Variants in MBD1 observed in about 807,000 individuals in gnomAD.
MBD1 encodes methyl-CpG-binding domain protein 1.
In MBD1, 25 loss-of-function variants were observed where a neutral mutation model predicts 82.6. That is an observed-to-expected ratio of 0.30 (90% CI 0.22 to 0.42). MBD1 has a LOEUF of 0.42. MBD1 is among the 10% of genes least tolerant of loss of function. MBD1 has a pLI of 1.00. For synonymous variants in MBD1, 301 were observed against 303.7 expected, an observed-to-expected ratio of 0.99 and a Z score of 0.09; for missense variants, 627 against 819.6, an observed-to-expected ratio of 0.76 and a Z score of 2.87.
At chr18:50,272,382 T>A in intron 15 of MBD1, 1 of 456,488 alleles carries the variant, frequency 2.2e-6, no homozygotes. Context: ...TAGAAATTCC[T>A]TAGGAAAATA....
chr18:50,280,624 T>C (rs1232363339), intron 1 of MBD1, among the ~76,000 whole-genome samples: 2 of 151,902 alleles, frequency 1.3e-5, no homozygotes, highest in Non-Finnish European at 2.9e-5. Context: ...CTCCAACCCA[T>C]AGCCTGAACA....
rs2040194732 is a variant in MBD1, at chr18:50,281,298, G to A, written c.-26+65C>T. ...CTTCATTCCTCCCCGTCAGCGTTCTGAGCCACAATTCCTTCCCATCCTCCG... is the reference window on the plus strand; with the variant it reads ...CTTCATTCCTCCCCGTCAGCGTTCTAAGCCACAATTCCTTCCCATCCTCCG... On this transcript the variant is annotated intron_variant, in intron 1 of 16. Transcript: ENST00000269468. 2.9e-6 allele frequency: 4 copies of A among 1,373,562 alleles called. No homozygotes were observed. The Admixed American group carries it at 5.9e-5, about 20-fold the overall frequency. 85.1% of individuals were successfully genotyped at this position (1,373,562 alleles called of 1,614,324 possible).
rs1251546379 is a variant in MBD1 at position 50,273,844 on chromosome 18, A to G, written c.1166T>C (p.Val389Ala). 8 of 1,613,172 alleles carry G rather than the reference A, an allele frequency of 5.0e-6. No homozygotes were observed. The South Asian group carries it at 8.8e-5, about 18-fold the overall frequency. Residue 389 changes from valine (V) to alanine (A), a missense_variant, in exon 12 of 17, where the codon GTC becomes GCC. Coordinates refer to ENST00000269468, the MANE Select transcript of MBD1 (RefSeq NM_015846.4). ...TGCCCCATCCTCAGACTCTGACCAGACACTGGGCAGCAGCCGCTTCTATGG... is the reference window on the plus strand; with the variant it reads ...TGCCCCATCCTCAGACTCTGACCAGGCACTGGGCAGCAGCCGCTTCTATGG... ...QFAMKRLLPSVWSESEDGAGS... is the reference protein window; with the variant it reads ...QFAMKRLLPSAWSESEDGAGS...
chr18:50,276,373 C>G lies in MBD1; in HGVS notation c.516+5G>C. ...AGTTGTGAAGAGGAAGCAGGTTGTGCTTACCTTAAACATTCTCTGTTCCCG... is the reference window on the plus strand; with the variant it reads ...AGTTGTGAAGAGGAAGCAGGTTGTGGTTACCTTAAACATTCTCTGTTCCCG... On this transcript the variant is annotated splice_donor_5th_base_variant and intron_variant, in intron 6 of 16. Transcript: ENST00000269468. The G allele has an allele frequency of 6.2e-7, 1 of 1,613,994 alleles. No homozygotes were observed. Among genetic ancestry groups the G allele is most frequent in the Non-Finnish European group, 8.5e-7 (1 of 1,179,896 alleles).
In MBD1 at chr18:50,269,647, G is replaced by A. The variant is rs72923678; in HGVS notation, c.*204C>T. On this transcript the variant is annotated 3_prime_UTR_variant, in exon 17 of 17. Transcript: ENST00000269468. ...TGCATATTTAACTCTGTGAGGAAGG[G>A]CACCAGCTTCTTCTGCAGGACACCC... 4,124 of 745,532 alleles carry A rather than the reference G, an allele frequency of 5.5e-3. 21 individuals carry two copies. The highest frequency in any genetic ancestry group is 8.2e-3 in the Non-Finnish European group (3,281 of 398,284). 46.2% of individuals were successfully genotyped at this position (745,532 alleles called of 1,614,324 possible).
rs1253768068 is a variant in MBD1 at position 50,269,048 on chromosome 18, T to C, written c.*803A>G. The stretch of plus-strand genomic sequence containing the variant: ...ATTCACCATTTGTAATACATATTGA[T>C]GCATTTAATAAAATTGCATGGGCCG... On this transcript the variant is annotated 3_prime_UTR_variant, in exon 17 of 17. Transcript: ENST00000269468. 1.3e-5 allele frequency: 13 copies of C among 987,400 alleles called. No individual in the cohort carries two copies. Among genetic ancestry groups the C allele is most frequent in the Non-Finnish European group, 1.4e-5 (12 of 831,186 alleles). The allele number at this position is 987,400 out of a possible 1,614,324, so 61.2% of individuals were successfully genotyped here.
Position 50,269,429 on chromosome 18 carries a change from G to T in MBD1, c.*422C>A, listed in dbSNP as rs1340069102. 7 of 852,112 alleles carry T rather than the reference G, an allele frequency of 8.2e-6. No individual in the cohort carries two copies. The Admixed American group carries it at 1.8e-4, about 22-fold the overall frequency. 52.8% of individuals were successfully genotyped at this position (852,112 alleles called of 1,614,324 possible). ...TGCTTGATAACCGGAGGGCGGAAGT[G>T]AAGCAGCAGCACATTGTTTTTACAC... is the stretch of plus-strand genomic sequence containing the variant. On this transcript the variant is annotated 3_prime_UTR_variant, in exon 17 of 17. Transcript: ENST00000269468.
chr18:50,271,269 T>C, intron 16 of MBD1, 200 bp downstream of exon 16: 21 of 1,437,274 alleles, frequency 1.5e-5, no homozygotes, highest in Admixed American at 2.8e-5. Flanking sequence ...GAGGAGAAGA[T>C]GCACCAACTT....
chr18:50,278,562 A>T (rs1047901927), intron 2 of MBD1, among the ~76,000 whole-genome samples: 1 of 152,264 alleles, frequency 6.6e-6, no homozygotes, highest in East Asian at 1.9e-4. Context: ...ATAACTAAAT[A>T]TAAACAAAAA....
In MBD1 at chr18:50,274,225, G is replaced by C. The variant is rs2036808963; in HGVS notation, c.1107C>G (p.Arg369=). 4 of 1,614,162 alleles carry C rather than the reference G, an allele frequency of 2.5e-6. No homozygotes were observed. Among genetic ancestry groups the C allele is most frequent in the Admixed American group, 1.7e-5 (1 of 60,030 alleles). ...KPKFGGSNQK[R]QKCRWRQCLQ... ...GGCATTGGCGCCAACGACACTTCTGGCGCTTCTGGTTGCTGCCCCCGAATT... is the reference window on the plus strand; with the variant it reads ...GGCATTGGCGCCAACGACACTTCTGCCGCTTCTGGTTGCTGCCCCCGAATT... Residue 369 remains arginine (R), a synonymous_variant, in exon 11 of 17, where the codon CGC becomes CGG. Coordinates refer to ENST00000269468, the MANE Select transcript of MBD1 (RefSeq NM_015846.4).
At position 50,269,344 on chromosome 18, in the gene MBD1, C is replaced by T. The variant is rs2034517673; in HGVS notation, c.*507G>A. ...GTAGGGTGGCTTTGTAATGTGTCAC[C>T]TTGGTGAGGCTATGTTTCCCGGAAC... On this transcript the variant is annotated 3_prime_UTR_variant, in exon 17 of 17. Coordinates refer to ENST00000269468, the MANE Select transcript of MBD1 (RefSeq NM_015846.4). 9.1e-6 allele frequency: 12 copies of T among 1,317,710 alleles called. No homozygotes were observed. Among genetic ancestry groups the T allele is most frequent in the Non-Finnish European group, 1.1e-5 (11 of 1,023,440 alleles). The allele number at this position is 1,317,710 out of a possible 1,614,324, so 81.6% of individuals were successfully genotyped here. A position where few individuals can be genotyped will look rare whatever the true frequency, so the allele number is the denominator to read the frequency against.
chr18:50,271,643 C>T, intron 15 of MBD1, 103 bp from the exon 16 acceptor site: 1 of 1,200,288 alleles, frequency 8.3e-7, no homozygotes, highest in Non-Finnish European at 1.2e-6. Context: ...CCATCCACTT[C>T]CCCTTAATTA....
chr18:50,275,684 A>G lies in MBD1; in HGVS notation c.708T>C (p.Asp236=). ...GVCRGCQTQE[D]CGHCPICLRP... ...GAAGGCAGATGGGGCAATGGCCACA[A>G]TCCTCTTGGGTCTGACAGCCCCGGC... Residue 236 remains aspartate, a synonymous_variant, in exon 8 of 17, where the codon GAT becomes GAC. Coordinates refer to ENST00000269468, the MANE Select transcript of MBD1 (RefSeq NM_015846.4). The G allele has an allele frequency of 1.9e-6, 3 of 1,614,142 alleles. No individual in the cohort carries two copies. The highest frequency in any genetic ancestry group is 2.5e-6 in the Non-Finnish European group (3 of 1,180,006).
rs750544888 is a variant in MBD1 at position 50,273,624 on chromosome 18, G to C, written c.1386C>G (p.Gly462=). The change falls in exon 12 of 17, where the codon GGC becomes GGG. Residue 462 remains glycine (G), a synonymous_variant. Transcript: ENST00000269468. ...PGTDLVFLRE[G]ASSPVQVPGP... ...CCGGCACCTGCACAGGACTGCTTGC[G>C]CCTTCCCGTAAAAACACAAGGTCAG... The C allele has an allele frequency of 6.2e-7, 1 of 1,613,372 alleles. No individual in the cohort carries two copies. The highest frequency in any genetic ancestry group is 2.2e-5 in the East Asian group (1 of 44,900).
chr18:50,270,105 A>T, intron 16 of MBD1: 1 of 1,598,402 alleles, frequency 6.3e-7, no homozygotes, highest in Non-Finnish European at 8.5e-7. Flanking sequence ...ACAAAGCAGT[A>T]TCAGTCTATC....
At chr18:50,270,967 G>A (rs190364813) in intron 16 of MBD1, 2 of 894,176 alleles carry the variant, frequency 2.2e-6, no homozygotes, top group East Asian at 1.1e-4. Flanking sequence ...CCACATAAAT[G>A]GACAAAATCA....
At position 50,276,910 on chromosome 18, in the gene MBD1, C is replaced by T; in HGVS notation, c.314G>A (p.Gly105Asp). 6 of 1,614,234 alleles carry T rather than the reference C, an allele frequency of 3.7e-6. No individual in the cohort carries two copies. The highest frequency in any genetic ancestry group is 1.3e-5 in the African/African-American group (1 of 75,058). Residue 105 changes from glycine to aspartate, a missense_variant, in exon 4 of 17, where the codon GGT becomes GAT. Around this residue, in one of 6 missense-constraint regions of MBD1, gnomAD observed 75 missense variants for 74.7 expected, o/e 1.00. Transcript: ENST00000269468. ...TRKRQVGPQS[G>D]EVRKEAPRDE... ...CCTCGGGGCCTCCTTCCTGACCTCA[C>T]CACTCTGGGGTCCAACCTGACGTTT... is the stretch of plus-strand genomic sequence containing the variant.
intron 1 of MBD1, 43 bp downstream of exon 1, chr18:50,281,320 T>G: frequency 8.3e-7 from 1 of 1,204,736 alleles, no homozygotes; most frequent in Non-Finnish European, 1.2e-6. Flanking sequence ...CTTCCCATCC[T>G]CCGCCTGAGC....
chr18:50,280,491 G>A (rs993497561), intron 1 of MBD1, among the ~76,000 whole-genome samples: 2 of 150,656 alleles, frequency 1.3e-5, no homozygotes, highest in African/African-American at 4.9e-5. Context: ...CCCCTTCCTT[G>A]ACCCAGGAGT....
Sources: gnomAD v4.1 joint callset for allele counts (sites outside exome capture counted in the v4.1 genomes callset) on GRCh38, gnomAD v4.1.1 for gene constraint, gnomAD v4.1.1 regional missense constraint, MANE v1.5 for transcripts, NCBI Gene and HGNC (gene_info 2026-07-23, HGNC 2026-07-21) for gene names.